Variants in ADARB2 observed in about 807,000 individuals in gnomAD.
ADARB2 encodes adenosine deaminase RNA specific B2 (inactive).
ADARB2 carries 25 observed loss-of-function variants against 62.2 expected under a neutral mutation model. The observed-to-expected ratio is 0.40, with a 90% confidence interval of 0.29 to 0.56. The LOEUF is 0.56. ADARB2 is among the 20% of genes least tolerant of loss of function. The pLI, the probability that ADARB2 is intolerant of heterozygous loss-of-function variation, is 0.43. For missense variants in ADARB2, 1,071 were observed against 1,077.4 expected, an observed-to-expected ratio of 0.99 and a Z score of 0.08; for synonymous variants, 572 against 500.8, an observed-to-expected ratio of 1.14 and a Z score of -1.90.
chr10:1,363,207 C>G lies in ADARB2; in HGVS notation c.898G>C (p.Glu300Gln). Residue 300 changes from glutamate to glutamine, a missense_variant, in exon 3 of 10, where the codon GAG becomes CAG. Glu to Gln is a conservative substitution (Grantham distance 29, BLOSUM62 2). Transcript: ENST00000381312. ...ATCACGAAGCTCCGCGCGCGCCGCT[C>G]GGCCGGTTCTGCCAGACACACGTAG... ...LRYVCLAEPA[E>Q]RRARSFVMAV... 6.8e-7 allele frequency: 1 copy of G among 1,473,362 alleles called. No homozygotes were observed. 91.3% of individuals were successfully genotyped at this position (1,473,362 alleles called of 1,614,324 possible).
intron 8 of ADARB2, 145 bp downstream of exon 8, chr10:1,199,821 A>T (rs1164127556): frequency 4.6e-6 from 4 of 865,052 alleles, no homozygotes; most frequent in Non-Finnish European, 6.8e-6. Context: ...TTTTCTTTTT[A>T]AAATCGTAGG....
chr10:1,393,288 G>A (rs374871913), intron 1 of ADARB2, among the ~76,000 whole-genome samples: 1 of 152,162 alleles, frequency 6.6e-6, no homozygotes. Context: ...TTTGATACAG[G>A]CGTGCAATGC....
intron 2 of ADARB2, among the ~76,000 whole-genome samples, chr10:1,368,011 C>CT (rs939474715): frequency 6.6e-6 from 1 of 152,190 alleles, no homozygotes; most frequent in Non-Finnish European, 1.5e-5. Context: ...GCTGGGCCCT[C>CT]TGGGGGGTGA....
chr10:1,676,088 C>T lies in ADARB2; in HGVS notation c.100+60963G>A, dbSNP rs968897423. 8 of 985,200 alleles carry T rather than the reference C, an allele frequency of 8.1e-6. No homozygotes were observed. In the African/African-American group the frequency reaches 1.2e-4, roughly 15 times the overall value. 61.0% of individuals were successfully genotyped at this position (985,200 alleles called of 1,614,324 possible). A position where few individuals can be genotyped will look rare whatever the true frequency, so the allele number is the denominator to read the frequency against. Reference sequence around the variant, plus strand: ...AGGTGCTTCTGAGTCCAGGATCCATCCCTGAAGGTTTGCAGGCATATTAGG... The same window carrying T: ...AGGTGCTTCTGAGTCCAGGATCCATTCCTGAAGGTTTGCAGGCATATTAGG... On this transcript the variant is annotated intron_variant, in intron 1 of 9. Transcript: ENST00000381312.
chr10:1,328,628 A>T (rs1831899140), intron 3 of ADARB2, among the ~76,000 whole-genome samples: 1 of 152,094 alleles, frequency 6.6e-6, no homozygotes, highest in Non-Finnish European at 1.5e-5. Flanking sequence ...AGGGGATGGG[A>T]TTATGCCAGC....
chr10:1,400,294 G>A (rs914668783), intron 1 of ADARB2, among the ~76,000 whole-genome samples: 4 of 152,212 alleles, frequency 2.6e-5, no homozygotes, highest in African/African-American at 9.6e-5. Context: ...CCGAGTCCGG[G>A]CAGCAGTTTT....
intron 6 of ADARB2, among the ~76,000 whole-genome samples, chr10:1,226,192 T>C (rs1052257529): frequency 2.6e-5 from 4 of 152,270 alleles, no homozygotes; most frequent in African/African-American, 9.6e-5. Flanking sequence ...TTTCTTCCAG[T>C]TGATCGCATT....
chr10:1,310,533 A>C (rs1831679538), intron 3 of ADARB2, among the ~76,000 whole-genome samples: 1 of 152,250 alleles, frequency 6.6e-6, no homozygotes, highest in Non-Finnish European at 1.5e-5. Flanking sequence ...GAAAGTCCTC[A>C]AACACAAATT....
intron 1 of ADARB2, among the ~76,000 whole-genome samples, chr10:1,475,204 C>T (rs1425474451): frequency 6.6e-6 from 1 of 152,242 alleles, no homozygotes; most frequent in African/African-American, 2.4e-5. Flanking sequence ...TCCTCCCAGA[C>T]TGAAGCCAGA....
intron 1 of ADARB2, among the ~76,000 whole-genome samples, chr10:1,383,926 C>G (rs937052067): frequency 6.6e-6 from 1 of 152,184 alleles, no homozygotes; most frequent in African/African-American, 2.4e-5. Context: ...TCTTCCTTGC[C>G]TTTGCCTTTG....
At chr10:1,491,575 C>G (rs995211930) in intron 1 of ADARB2, among the ~76,000 whole-genome samples, 1 of 152,098 alleles carries the variant, frequency 6.6e-6, no homozygotes, top group African/African-American at 2.4e-5. Flanking sequence ...GTCCCAAAAC[C>G]AACACACACT....
At chr10:1,460,608 C>T (rs546062541) in intron 1 of ADARB2, among the ~76,000 whole-genome samples, 1 of 110,724 alleles carries the variant, frequency 9.0e-6, no homozygotes, top group South Asian at 2.8e-4. Flanking sequence ...TGCCTGTGAC[C>T]TGAGTTTACC....
At chr10:1,518,746 A>T (rs1236371275) in intron 1 of ADARB2, among the ~76,000 whole-genome samples, 1 of 150,682 alleles carries the variant, frequency 6.6e-6, no homozygotes, top group Non-Finnish European at 1.5e-5. Flanking sequence ...TGTCATACGC[A>T]TGCATTCCTT....
At position 1,337,549 on chromosome 10, in the gene ADARB2, G is replaced by T. The variant is rs146623826; in HGVS notation, c.1077+25479C>A. ...AGGGAGGCCTCAGCAGACCGAGAAA[G>T]TGTAATTTTTTCTGGAGAGAAGTTT... On this transcript the variant is annotated intron_variant, in intron 3 of 9. Coordinates refer to ENST00000381312, the MANE Select transcript of ADARB2 (RefSeq NM_018702.4). Among the ~76,000 whole-genome samples the T allele has an allele frequency of 1.5e-3, 232 of 152,290 alleles. 2 individuals carry two copies. The highest frequency in any genetic ancestry group is 5.3e-3 in the African/African-American group (221 of 41,560).
intron 1 of ADARB2, among the ~76,000 whole-genome samples, chr10:1,528,183 G>A (rs536886652): frequency 6.6e-6 from 1 of 152,300 alleles, no homozygotes; most frequent in African/African-American, 2.4e-5. Flanking sequence ...ACACACCTGA[G>A]CTTACTGCAT....
intron 1 of ADARB2, among the ~76,000 whole-genome samples, chr10:1,662,105 A>G (rs556503148): frequency 6.6e-6 from 1 of 152,290 alleles, no homozygotes; most frequent in South Asian, 2.1e-4. Context: ...AGGTGCTTTA[A>G]GGATGTGGTT....
intron 1 of ADARB2, among the ~76,000 whole-genome samples, chr10:1,481,639 A>ACC (rs146780281): frequency 5.2e-5 from 1 of 19,260 alleles, no homozygotes; most frequent in Admixed American, 1.1e-3. Context: ...TGTGCGGATC[A>ACC]CGAGGTCAGG....
intron 2 of ADARB2, among the ~76,000 whole-genome samples, chr10:1,364,567 C>A (rs1832296339): frequency 6.6e-6 from 1 of 152,202 alleles, no homozygotes; most frequent in Non-Finnish European, 1.5e-5. Context: ...ATTCAACTAA[C>A]TGTGGAGAGA....
intron 3 of ADARB2, among the ~76,000 whole-genome samples, chr10:1,272,602 CTG>C (rs1831273487): frequency 6.6e-6 from 1 of 152,338 alleles, no homozygotes; most frequent in Admixed American, 6.5e-5. Context: ...ACTTTTCCCA[CTG>C]TGTCGTGAAT....
Sources: gnomAD v4.1 joint callset for allele counts (sites outside exome capture counted in the v4.1 genomes callset) on GRCh38, gnomAD v4.1.1 for gene constraint, MANE v1.5 for transcripts, NCBI Gene and HGNC (gene_info 2026-07-23, HGNC 2026-07-21) for gene names.